The following TRERF1 variants were observed in gnomAD, a reference collection of about 807,000 sequenced individuals.
The protein encoded by TRERF1 is transcriptional-regulating factor 1.
Under a neutral mutation model 122.9 loss-of-function variants are expected in TRERF1, and 27 were observed. The observed-to-expected ratio is 0.22, with a 90% confidence interval of 0.16 to 0.30. TRERF1 has a LOEUF of 0.30. Ranked by LOEUF, TRERF1 falls within the 10% of genes least tolerant of loss-of-function variation. The pLI, the probability that TRERF1 is intolerant of heterozygous loss-of-function variation, is 1.00. For missense variants in TRERF1, 1,248 were observed against 1,560.3 expected (o/e 0.80, Z 3.37); for synonymous variants, 636 against 641.7 (o/e 0.99, Z 0.13).
At chr6:42,339,613 G>C (rs539816825) in intron 3 of TRERF1, among the ~76,000 whole-genome samples, 8 of 152,310 alleles carry the variant, frequency 5.3e-5, no homozygotes, top group Non-Finnish European at 2.9e-5. Flanking sequence ...AGCACATAAG[G>C]ATATTTCACA....
intron 4 of TRERF1, among the ~76,000 whole-genome samples, chr6:42,285,692 AG>A (rs201284944): frequency 1.5e-3 from 232 of 152,044 alleles, no homozygotes; most frequent in African/African-American, 5.2e-3. Flanking sequence ...TTTAGCATGA[AG>A]GGTTGTTGAA....
intron 2 of TRERF1, among the ~76,000 whole-genome samples, chr6:42,399,077 C>T (rs1779020885): frequency 6.6e-6 from 1 of 152,178 alleles, no homozygotes; most frequent in Admixed American, 6.5e-5. Flanking sequence ...GGAAGGAAGT[C>T]AGGCAGCATG....
At chr6:42,384,174 C>G (rs1012083193) in intron 2 of TRERF1, among the ~76,000 whole-genome samples, 6 of 152,032 alleles carry the variant, frequency 3.9e-5, no homozygotes, top group African/African-American at 1.4e-4. Flanking sequence ...CACAAGGATA[C>G]TCACTGCAGT....
At chr6:42,350,737 T>A (rs949528287) in intron 3 of TRERF1, among the ~76,000 whole-genome samples, 2 of 152,326 alleles carry the variant, frequency 1.3e-5, no homozygotes, top group South Asian at 4.1e-4. Context: ...GGAGTACTGT[T>A]AACTGGGCAG....
chr6:42,328,004 CTTTTTTTTT>C (rs36069546), intron 3 of TRERF1, among the ~76,000 whole-genome samples: 1 of 108,000 alleles, frequency 9.3e-6, no homozygotes, highest in Admixed American at 9.9e-5. Flanking sequence ...TTCTTTCTTT[CTTTTTTTTT>C]TTTTTTTTTT....
At position 42,228,077 on chromosome 6, in the gene TRERF1, T is replaced by A; in HGVS notation, c.*268A>T. The A allele has an allele frequency of 2.8e-6, 1 of 351,966 alleles. No homozygotes were observed. Among genetic ancestry groups the A allele is most frequent in the Non-Finnish European group, 5.1e-6 (1 of 195,196 alleles). 21.8% of individuals were successfully genotyped at this position (351,966 alleles called of 1,614,324 possible). On this transcript the variant is annotated 3_prime_UTR_variant, in exon 18 of 18. Coordinates refer to ENST00000372922, the Ensembl canonical transcript of TRERF1. This position sits in a 1 kb window ranked among gnomAD's most constrained non-coding sequence, Gnocchi z 4.2. The stretch of plus-strand genomic sequence containing the variant: ...CATGAAGGTCAGCTTCAGTCCCTAC[T>A]GGGAATGATTTCATGAGAAGGTAGC...
At chr6:42,443,158 A>G (rs758663427) in intron 2 of TRERF1, among the ~76,000 whole-genome samples, 1 of 152,216 alleles carries the variant, frequency 6.6e-6, no homozygotes, top group African/African-American at 2.4e-5. Flanking sequence ...TCAACGACAC[A>G]TATTTATTAT....
In TRERF1 at chr6:42,257,106, T is replaced by C. The variant is rs199776468; in HGVS notation, c.2337-4A>G. 1 of 1,613,914 alleles carries C rather than the reference T, an allele frequency of 6.2e-7. No individual in the cohort carries two copies. The highest frequency in any genetic ancestry group is 8.5e-7 in the Non-Finnish European group (1 of 1,179,964). On this transcript the variant is annotated splice_region_variant and splice_polypyrimidine_tract_variant and intron_variant, in intron 10 of 17. Coordinates refer to ENST00000372922, the Ensembl canonical transcript of TRERF1. ...TCTCAAGCCAATGTTGATGCGTCTTTAAATGACAAGAAGAAAAACAACAAT... is the reference window on the plus strand; with the variant it reads ...TCTCAAGCCAATGTTGATGCGTCTTCAAATGACAAGAAGAAAAACAACAAT...
chr6:42,335,400 C>T (rs1359118475), intron 3 of TRERF1, among the ~76,000 whole-genome samples: 1 of 152,198 alleles, frequency 6.6e-6, no homozygotes, highest in African/African-American at 2.4e-5. Flanking sequence ...TTACATGTAT[C>T]AACTCATTTA....
chr6:42,354,965 C>G (rs1029600752), intron 3 of TRERF1, among the ~76,000 whole-genome samples: 6 of 152,136 alleles, frequency 3.9e-5, no homozygotes, highest in Non-Finnish European at 5.9e-5. Context: ...GAGAAGAATC[C>G]AAATCCTTAG....
At chr6:42,262,385 G>T (rs1470721583) in intron 8 of TRERF1, among the ~76,000 whole-genome samples, 1 of 150,496 alleles carries the variant, frequency 6.6e-6, no homozygotes, top group African/African-American at 2.4e-5. Flanking sequence ...TTGTGGGGAG[G>T]GGGTAGGTTT....
intron 2 of TRERF1, among the ~76,000 whole-genome samples, chr6:42,433,736 G>A (rs900475807): frequency 6.6e-6 from 1 of 152,046 alleles, no homozygotes; most frequent in Non-Finnish European, 1.5e-5. Flanking sequence ...AAATTACAAG[G>A]GCCAGGCATG....
intron 4 of TRERF1, among the ~76,000 whole-genome samples, chr6:42,280,968 C>T (rs1197084075): frequency 6.6e-6 from 1 of 152,172 alleles, no homozygotes; most frequent in Middle Eastern, 3.2e-3. Context: ...TCCCCCTCAC[C>T]TGAGATTCCC....
chr6:42,278,032 G>A (rs115162515), intron 4 of TRERF1, among the ~76,000 whole-genome samples: 263 of 152,128 alleles, frequency 1.7e-3, no homozygotes, highest in African/African-American at 6.1e-3. Context: ...ATGTGACCCT[G>A]GGCAAGTCAT....
rs1267793825 is a variant in TRERF1, at chr6:42,268,640, C to A, written c.951G>T (p.Arg317=). 1.2e-6 allele frequency: 2 copies of A among 1,614,074 alleles called. No homozygotes were observed. The highest frequency in any genetic ancestry group is 1.7e-6 in the Non-Finnish European group (2 of 1,180,032). ...ACTGAGGTATCTGCATTGAACCCTG[C>A]CGCTGCTGCAGCTGTAGCTGCTGCG... Residue 317 remains arginine (R), a synonymous_variant, in exon 5 of 18, where the codon CGG becomes CGT. Transcript: ENST00000372922. This position sits in a 1 kb window ranked among gnomAD's most constrained non-coding sequence, Gnocchi z 4.4.
rs1335132150 is a variant in TRERF1 at position 42,373,935 on chromosome 6, C to A, written c.-453-10856G>T. Among the ~76,000 whole-genome samples, 3 of 151,218 alleles carry A rather than the reference C, an allele frequency of 2.0e-5. No individual in the cohort carries two copies. In the East Asian group the frequency reaches 5.8e-4, roughly 29 times the overall value. The stretch of plus-strand genomic sequence containing the variant: ...AGACCGTGAGGTCAGGAGATTGAGA[C>A]CATCCTGGCCGACATGGTGAAACCC... On this transcript the variant is annotated intron_variant, in intron 2 of 17. Coordinates refer to ENST00000372922, the Ensembl canonical transcript of TRERF1.
In TRERF1 at chr6:42,268,856, C is replaced by T. The variant is rs534232936; in HGVS notation, c.735G>A (p.Val245=). Reference sequence around the variant, plus strand: ...GGGCCTGCAGTGGCTGTCCTCCCTGCACTGGCACCTGAGCCAGAGGCTGCT... The same window carrying T: ...GGGCCTGCAGTGGCTGTCCTCCCTGTACTGGCACCTGAGCCAGAGGCTGCT... Residue 245 remains valine, a synonymous_variant, in exon 5 of 18, where the codon GTG becomes GTA. Transcript: ENST00000372922. This position sits in a 1 kb window ranked among gnomAD's most constrained non-coding sequence, Gnocchi z 4.4. 2.5e-6 allele frequency: 4 copies of T among 1,614,026 alleles called. No individual in the cohort carries two copies. The highest frequency in any genetic ancestry group is 1.7e-5 in the Admixed American group (1 of 60,002).
At position 42,268,331 on chromosome 6, in the gene TRERF1, C is replaced by T; in HGVS notation, c.1260G>A (p.Leu420=). 1 of 1,517,502 alleles carries T rather than the reference C, an allele frequency of 6.6e-7. No homozygotes were observed. 94.0% of individuals were successfully genotyped at this position (1,517,502 alleles called of 1,614,324 possible). A position where few individuals can be genotyped will look rare whatever the true frequency, so the allele number is the denominator to read the frequency against. Residue 420 remains leucine, a synonymous_variant, in exon 5 of 18, where the codon CTG becomes CTA. Transcript: ENST00000372922. The surrounding 1 kb of genome is among the most constrained non-coding windows in gnomAD (Gnocchi z 4.4). Reference sequence around the variant, plus strand: ...GAGGCCCCAGGTCCCCATGGGAGCTCAGCATGGCCTGGGCCTGTCTGTCAC... The same window carrying T: ...GAGGCCCCAGGTCCCCATGGGAGCTTAGCATGGCCTGGGCCTGTCTGTCAC...
At chr6:42,304,537 G>A (rs753183059) in intron 3 of TRERF1, among the ~76,000 whole-genome samples, 1 of 152,188 alleles carries the variant, frequency 6.6e-6, no homozygotes, top group South Asian at 2.1e-4. Context: ...TTTCCCAGCC[G>A]GTGCTGACGC....
Sources: gnomAD v4.1 joint callset for allele counts (sites outside exome capture counted in the v4.1 genomes callset) on GRCh38, gnomAD v4.1.1 for gene constraint, Gnocchi (gnomAD v3.1) non-coding constraint, MANE v1.5 for transcripts, NCBI Gene and HGNC (gene_info 2026-07-23, HGNC 2026-07-21) for gene names.